WWOX: variants seen among roughly 807,000 people sequenced by gnomAD.
WWOX encodes WW domain-containing oxidoreductase.
In WWOX, 69 loss-of-function variants were observed where a neutral mutation model predicts 46.2. That is an observed-to-expected ratio of 1.49 (90% CI 1.23 to 1.82). The LOEUF (loss-of-function observed/expected upper bound fraction) is 1.82, where lower values mean the gene tolerates loss of function less well. Ranked by LOEUF, WWOX falls within the 40% of genes most tolerant of loss-of-function variation. WWOX has a pLI of 0.00. For missense variants in WWOX, 919 were observed against 542.6 expected (o/e 1.69, Z -6.89); for synonymous variants, 359 against 202.6 (o/e 1.77, Z -6.56).
chr16:78,700,840 C>A (rs1051627562), intron 8 of WWOX, among the ~76,000 whole-genome samples: 1 of 152,120 alleles, frequency 6.6e-6, no homozygotes, highest in African/African-American at 2.4e-5. Context: ...TGGAAGAAAG[C>A]TGAATAGCAC....
intron 8 of WWOX, among the ~76,000 whole-genome samples, chr16:78,738,767 G>A (rs962356298): frequency 6.6e-6 from 1 of 152,128 alleles, no homozygotes; most frequent in East Asian, 1.9e-4. Flanking sequence ...GGTTAGACCA[G>A]GGCTGTGCAA....
At chr16:78,240,325 T>A (rs1438018828) in intron 5 of WWOX, among the ~76,000 whole-genome samples, 2 of 149,080 alleles carry the variant, frequency 1.3e-5, no homozygotes, top group African/African-American at 2.5e-5. Context: ...AAAAAAAAAA[T>A]AACACCAAAA....
In WWOX at chr16:78,314,701, G is replaced by GTT. The variant is rs920575863; in HGVS notation, c.517-72140_517-72139dup. ...CACCCTGCAGGGGTTTTTTTTTTTT[G>GTT]TTTTTTTTTTTTTTTTTTTTCTGTA... On this transcript the variant is annotated intron_variant, in intron 5 of 8. Transcript: ENST00000566780. 4.0e-3 allele frequency among the ~76,000 whole-genome samples: 248 copies of GTT among 61,262 alleles called. 1 individual carries two copies. Among genetic ancestry groups the GTT allele is most frequent in the East Asian group, 0.018 (17 of 962 alleles). 40.2% of individuals were successfully genotyped at this position (61,262 alleles called of 152,430 possible).
intron 8 of WWOX, among the ~76,000 whole-genome samples, chr16:79,141,704 T>C (rs1164384837): frequency 6.6e-6 from 1 of 151,944 alleles, no homozygotes; most frequent in East Asian, 1.9e-4. Flanking sequence ...TCTCCAGTGC[T>C]TCTTGGTGTT....
intron 8 of WWOX, among the ~76,000 whole-genome samples, chr16:79,159,422 A>G (rs911298786): frequency 3.3e-5 from 5 of 152,244 alleles, no homozygotes; most frequent in Non-Finnish European, 7.3e-5. Context: ...TCAGGCAGCC[A>G]GGGTCAGAAA....
chr16:78,323,536 A>T (rs1056544411), intron 5 of WWOX, among the ~76,000 whole-genome samples: 1 of 152,154 alleles, frequency 6.6e-6, no homozygotes, highest in Non-Finnish European at 1.5e-5. Context: ...CTAATAGGTT[A>T]CTGGGTTTGA....
intron 8 of WWOX, among the ~76,000 whole-genome samples, chr16:79,045,212 G>C (rs902994573): frequency 1.3e-5 from 2 of 152,204 alleles, no homozygotes; most frequent in Non-Finnish European, 2.9e-5. Flanking sequence ...AAGTTCTTAT[G>C]TGGTGGATGT....
intron 5 of WWOX, among the ~76,000 whole-genome samples, chr16:78,175,010 A>ATAATAG (rs2035288232): frequency 1.4e-5 from 2 of 138,260 alleles, no homozygotes; most frequent in Non-Finnish European, 3.3e-5. Context: ...AATAATAATA[A>ATAATAG]TAATAATAAT....
Position 78,203,617 on chromosome 16 carries a change from C to G in WWOX, c.516+39328C>G, listed in dbSNP as rs555148322. 4.6e-5 allele frequency among the ~76,000 whole-genome samples: 7 copies of G among 152,224 alleles called. No homozygotes were observed. The South Asian group carries it at 1.5e-3, about 32-fold the overall frequency. On this transcript the variant is annotated intron_variant, in intron 5 of 8. Coordinates refer to ENST00000566780, the MANE Select transcript of WWOX (RefSeq NM_016373.4). ...TCCGTCTGCAAGATGAAGGCAAGAT[C>G]AAGAGATGTCAGTTAACATTCTTGC...
chr16:78,922,295 T>C (rs1480970942), intron 8 of WWOX, among the ~76,000 whole-genome samples: 1 of 152,144 alleles, frequency 6.6e-6, no homozygotes, highest in Non-Finnish European at 1.5e-5. Context: ...CTAAATCACA[T>C]TAAGAGTCTC....
chr16:78,580,973 T>C (rs1368459730), intron 8 of WWOX, among the ~76,000 whole-genome samples: 1 of 152,224 alleles, frequency 6.6e-6, no homozygotes, highest in Non-Finnish European at 1.5e-5. Flanking sequence ...GAGTAATCTA[T>C]TGAAAAGGAA....
intron 4 of WWOX, among the ~76,000 whole-genome samples, chr16:78,160,369 C>T (rs539306621): frequency 6.6e-6 from 1 of 152,294 alleles, no homozygotes; most frequent in East Asian, 1.9e-4. Flanking sequence ...AAGCGATCCA[C>T]CCGCCTCGGC....
chr16:78,809,240 A>C (rs1219669825), intron 8 of WWOX, among the ~76,000 whole-genome samples: 2 of 150,342 alleles, frequency 1.3e-5, no homozygotes, highest in African/African-American at 4.9e-5. Context: ...TGGTTGTCTG[A>C]GCAGAATGTT....
At chr16:78,287,211 T>C (rs1326980317) in intron 5 of WWOX, among the ~76,000 whole-genome samples, 1 of 152,284 alleles carries the variant, frequency 6.6e-6, no homozygotes, top group Non-Finnish European at 1.5e-5. Flanking sequence ...GGCTTCATGC[T>C]TCCTATGGCA....
At chr16:78,766,440 T>A (rs2049926529) in intron 8 of WWOX, among the ~76,000 whole-genome samples, 1 of 152,162 alleles carries the variant, frequency 6.6e-6, no homozygotes, top group Non-Finnish European at 1.5e-5. Flanking sequence ...TAAAAAAATT[T>A]AGCCGGCTGT....
chr16:78,918,563 G>A (rs557014650), intron 8 of WWOX, among the ~76,000 whole-genome samples: 5 of 152,236 alleles, frequency 3.3e-5, no homozygotes, highest in South Asian at 2.1e-4. Flanking sequence ...TCTTCTTTCC[G>A]AGACAGGCTG....
rs557020696 is a variant in WWOX, at chr16:79,209,110, C to G, written c.1057-2498C>G. Among the ~76,000 whole-genome samples, 8 of 152,252 alleles carry G rather than the reference C, an allele frequency of 5.3e-5. No individual in the cohort carries two copies. The South Asian group carries it at 1.7e-3, about 32-fold the overall frequency. Reference sequence around the variant, plus strand: ...TGGTAAATCACCCCAAGCCTAGTGGCAAAGGAATCAAAGCCATCTCCTGAT... The same window carrying G: ...TGGTAAATCACCCCAAGCCTAGTGGGAAAGGAATCAAAGCCATCTCCTGAT... On this transcript the variant is annotated intron_variant, in intron 8 of 8. Coordinates refer to ENST00000566780, the MANE Select transcript of WWOX (RefSeq NM_016373.4).
At chr16:78,444,942 A>G (rs538941290) in intron 8 of WWOX, among the ~76,000 whole-genome samples, 5 of 152,248 alleles carry the variant, frequency 3.3e-5, no homozygotes, top group South Asian at 4.1e-4. Context: ...ACTTGGAATG[A>G]CTGGCCTAGA....
chr16:78,911,028 A>C (rs1163328183), intron 8 of WWOX, among the ~76,000 whole-genome samples: 1 of 152,070 alleles, frequency 6.6e-6, no homozygotes, highest in Non-Finnish European at 1.5e-5. Flanking sequence ...AAAAAATTAA[A>C]AAATGGCTTT....
Sources: allele counts gnomAD v4.1 joint callset (sites outside exome capture counted in the v4.1 genomes callset), GRCh38; gene constraint gnomAD v4.1.1; transcripts MANE v1.5; gene names NCBI Gene and HGNC (gene_info 2026-07-23, HGNC 2026-07-21).